The following TRPM8 variants were observed in gnomAD, a reference collection of about 807,000 sequenced individuals.
TRPM8 encodes transient receptor potential cation channel subfamily M member 8.
A neutral mutation model predicts 133.7 loss-of-function variants in TRPM8; 110 were observed. The ratio of observed to expected loss-of-function variants is 0.82; its 90% CI spans 0.70 to 0.96. The LOEUF is 0.96. Among genes scored for constraint, TRPM8 ranks in the 40% least tolerant of loss-of-function variants. TRPM8 has a pLI of 0.00. For synonymous variants in TRPM8, 535 were observed against 532.3 expected (o/e 1.01, Z -0.07); for missense variants, 1,291 against 1,379.5 (o/e 0.94, Z 1.02).
chr2:233,982,410 T>C (rs566381534), intron 19 of TRPM8, among the ~76,000 whole-genome samples: 7 of 152,282 alleles, frequency 4.6e-5, no homozygotes, highest in South Asian at 4.1e-4. Context: ...ACATGGATGG[T>C]GTTGCTTTCC....
At position 233,947,074 on chromosome 2, in the gene TRPM8, T is replaced by G. The variant is rs200137961; in HGVS notation, c.875-14T>G. 5.4e-4 allele frequency: 879 copies of G among 1,612,876 alleles called. 1 individual carries two copies. The highest frequency in any genetic ancestry group is 6.8e-4 in the Non-Finnish European group (801 of 1,179,122). ...AATGAGCTCAAAATATGCTTTACTT[T>G]TTATATTTTACAGATTCCAACTATG... On this transcript the variant is annotated splice_polypyrimidine_tract_variant and intron_variant, in intron 7 of 25. Coordinates refer to ENST00000324695, the MANE Select transcript of TRPM8 (RefSeq NM_024080.5).
At chr2:233,929,600 A>G (rs1054108331) in intron 2 of TRPM8, 1 of 152,234 alleles carries the variant, frequency 6.6e-6, no homozygotes, top group Non-Finnish European at 1.5e-5. Context: ...TGCTGGGGAG[A>G]GGAAGTTCCT....
chr2:234,004,731 G>C (rs1014939283), intron 22 of TRPM8, among the ~76,000 whole-genome samples: 4 of 152,256 alleles, frequency 2.6e-5, no homozygotes, highest in African/African-American at 9.6e-5. Context: ...ATATAGAAAA[G>C]CACAAATAAA....
intron 24 of TRPM8, 92 bp downstream of exon 24, chr2:234,008,195 A>G (rs1247782478): frequency 7.8e-7 from 1 of 1,283,854 alleles, no homozygotes; most frequent in Non-Finnish European, 1.1e-6. Flanking sequence ...TGATAATAAA[A>G]GAAGTTATAT....
chr2:234,017,173 C>T, intron 25 of TRPM8, 126 bp from the exon 26 acceptor site: 1 of 350,038 alleles, frequency 2.9e-6, no homozygotes, highest in South Asian at 2.2e-5. Flanking sequence ...AATCTCTCAA[C>T]TTTGGTGGTA....
chr2:233,992,349 T>G (rs1232728341), intron 21 of TRPM8, among the ~76,000 whole-genome samples: 2 of 152,118 alleles, frequency 1.3e-5, no homozygotes, highest in Non-Finnish European at 2.9e-5. Context: ...TGAAATGCTA[T>G]TTTTCCCTTT....
chr2:233,966,814 C>T, intron 15 of TRPM8, 59 bp downstream of exon 15: 1 of 1,447,906 alleles, frequency 6.9e-7, no homozygotes. Context: ...ATGTCAGATG[C>T]TACTAGCAGC....
intron 21 of TRPM8, among the ~76,000 whole-genome samples, chr2:233,990,823 GC>G (rs1692258304): frequency 6.6e-6 from 1 of 152,186 alleles, no homozygotes; most frequent in African/African-American, 2.4e-5. Flanking sequence ...CTCAGGTGCA[GC>G]CTTATTGCCA....
chr2:234,001,116 T>C (rs916558165), intron 22 of TRPM8, among the ~76,000 whole-genome samples: 4 of 152,168 alleles, frequency 2.6e-5, no homozygotes, highest in Non-Finnish European at 5.9e-5. Context: ...TCTCTCTGCA[T>C]CCCTGTGTCT....
chr2:234,014,454 C>A, intron 24 of TRPM8, 108 bp from the exon 25 acceptor site: 1 of 564,566 alleles, frequency 1.8e-6, no homozygotes, highest in Non-Finnish European at 3.0e-6. Flanking sequence ...GCCATGCTTG[C>A]TATTTAGTAG....
In TRPM8 at chr2:233,950,297, T is replaced by C; in HGVS notation, c.1140+151T>C. ...GCTCAACAGGTGTCTTGCTGGAAAC[T>C]GAAGTTCAGTAAGATACGTGACTCA... On this transcript the variant is annotated intron_variant, in intron 9 of 25. Transcript: ENST00000324695. 3 of 714,348 alleles carry C rather than the reference T, an allele frequency of 4.2e-6. No homozygotes were observed. The South Asian group carries it at 5.6e-5, about 13-fold the overall frequency. The allele number at this position is 714,348 out of a possible 1,614,324, so 44.3% of individuals were successfully genotyped here.
In TRPM8 at chr2:233,963,359, C is replaced by G; in HGVS notation, c.1731C>G (p.Ser577=). 1 of 1,612,154 alleles carries G rather than the reference C, an allele frequency of 6.2e-7. No individual in the cohort carries two copies. Residue 577 remains serine (S), a synonymous_variant, in exon 13 of 26, where the codon TCC becomes TCG. Coordinates refer to ENST00000324695, the MANE Select transcript of TRPM8 (RefSeq NM_024080.5). ...WAILQNKKEL[S]KVIWEQTRGC... ...TTCTTCAGAATAAGAAGGAACTCTC[C>G]AAAGTCATTTGGGAGCAGGTAAGTG...
intron 21 of TRPM8, among the ~76,000 whole-genome samples, chr2:233,988,309 AT>A (rs1331639460): frequency 6.6e-6 from 1 of 151,824 alleles, no homozygotes; most frequent in Non-Finnish European, 1.5e-5. Flanking sequence ...GCCAGGAATC[AT>A]CTTTTGCCAG....
intron 25 of TRPM8, among the ~76,000 whole-genome samples, chr2:234,016,556 G>A (rs1054368574): frequency 5.3e-5 from 8 of 152,090 alleles, no homozygotes; most frequent in Non-Finnish European, 5.9e-5. Context: ...ACTGGAAACC[G>A]TTTGACCTAG....
chr2:233,942,291 G>A (rs2125101919), intron 5 of TRPM8, among the ~76,000 whole-genome samples: 1 of 152,168 alleles, frequency 6.6e-6, no homozygotes. Flanking sequence ...TCTTGGCCAG[G>A]CTGGTCATGA....
At chr2:233,997,109 CA>C (rs1374901449) in intron 22 of TRPM8, among the ~76,000 whole-genome samples, 1 of 151,856 alleles carries the variant, frequency 6.6e-6, no homozygotes, top group African/African-American at 2.4e-5. Context: ...TACTAAAATA[CA>C]AAAAAATTAG....
intron 7 of TRPM8, among the ~76,000 whole-genome samples, chr2:233,946,497 G>C (rs749823254): frequency 6.6e-6 from 1 of 152,210 alleles, no homozygotes; most frequent in East Asian, 1.9e-4. Context: ...GAATGCAACA[G>C]TTGAGTGAAA....
rs141016157 is a variant in TRPM8 at position 233,942,260 on chromosome 2, A to G, written c.527-316A>G. ...ACGCCTGGCTAATTTTTGTATTTTT[A>G]GTAGAGATGGGGTTTCACCATCTTG... On this transcript the variant is annotated intron_variant, in intron 5 of 25. Coordinates refer to ENST00000324695, the MANE Select transcript of TRPM8 (RefSeq NM_024080.5). 6.1e-3 allele frequency among the ~76,000 whole-genome samples: 920 copies of G among 151,852 alleles called. 10 individuals are homozygous for G. The highest frequency in any genetic ancestry group is 0.021 in the African/African-American group (859 of 41,394).
chr2:233,975,898 A>G (rs1222051714), intron 17 of TRPM8, among the ~76,000 whole-genome samples: 6 of 151,896 alleles, frequency 4.0e-5, no homozygotes, highest in African/African-American at 1.5e-4. Context: ...AACAAAACAA[A>G]ACAAAAACAA....
Sources: gnomAD v4.1 joint callset for allele counts (sites outside exome capture counted in the v4.1 genomes callset) on GRCh38, gnomAD v4.1.1 for gene constraint, MANE v1.5 for transcripts, NCBI Gene and HGNC (gene_info 2026-07-23, HGNC 2026-07-21) for gene names.